IL19: variants seen among roughly 807,000 people sequenced by gnomAD.
IL19 encodes interleukin-19.
IL19 carries 15 observed loss-of-function variants against 19.5 expected under a neutral mutation model. The observed-to-expected ratio is 0.77, with a 90% CI of 0.52 to 1.19. The LOEUF is 1.19. Among genes scored for constraint, IL19 ranks in the 50% most tolerant of loss-of-function variants. The pLI is 0.00. For synonymous variants in IL19, 78 were observed against 78.3 expected (o/e 1.00, Z 0.02); for missense variants, 199 against 213.1 (o/e 0.93, Z 0.41).
At chr1:206,787,959 C>T (rs1188363137) in intron 1 of IL19, among the ~76,000 whole-genome samples, 1 of 152,206 alleles carries the variant, frequency 6.6e-6, no homozygotes, top group Non-Finnish European at 1.5e-5. Context: ...CAGCCACATT[C>T]ATAGCCATGG....
At position 206,836,709 on chromosome 1, in the gene IL19, T is replaced by C. The variant is rs939942811; in HGVS notation, c.47T>C (p.Ile16Thr). 5 of 1,613,300 alleles carry C rather than the reference T, an allele frequency of 3.1e-6. No individual in the cohort carries two copies. The African/African-American group carries it at 6.7e-5, about 22-fold the overall frequency. Residue 16 changes from isoleucine (I) to threonine (T), a missense_variant, in exon 3 of 7, where the codon ATA becomes ACA. Ile to Thr is a moderately conservative substitution (Grantham distance 89). Coordinates refer to ENST00000659997, the MANE Select transcript of IL19 (RefSeq NM_153758.5). ...CTTTGGCTCCTGGGTACAATACTGA[T>C]ATTGTGCTCAGTAGACAACCACGGT... is the stretch of plus-strand genomic sequence containing the variant. ...VSLWLLGTIL[I>T]LCSVDNHGLR... is the part of the protein sequence containing the mutation.
chr1:206,790,527 C>G (rs1675374236), intron 1 of IL19, among the ~76,000 whole-genome samples: 1 of 152,174 alleles, frequency 6.6e-6, no homozygotes, highest in Non-Finnish European at 1.5e-5. Context: ...AACGTTGAGT[C>G]TCAGTATGGT....
At chr1:206,826,618 G>A (rs908703) in intron 2 of IL19, among the ~76,000 whole-genome samples, 1 of 152,050 alleles carries the variant, frequency 6.6e-6, no homozygotes, top group Non-Finnish European at 1.5e-5. Context: ...CTGGGGTGAA[G>A]CCCTCCCCAG....
intron 2 of IL19, among the ~76,000 whole-genome samples, chr1:206,825,047 C>T (rs745518396): frequency 2.0e-5 from 3 of 152,164 alleles, no homozygotes; most frequent in Non-Finnish European, 2.9e-5. Flanking sequence ...TGAGCCACTG[C>T]GCCAGGCCCC....
chr1:206,808,981 A>G (rs1675930888), intron 2 of IL19, among the ~76,000 whole-genome samples: 1 of 152,200 alleles, frequency 6.6e-6, no homozygotes, highest in Admixed American at 6.5e-5. Flanking sequence ...AAGGTTCTGG[A>G]AACAAACTTG....
chr1:206,794,624 G>C (rs1219724889), intron 1 of IL19, among the ~76,000 whole-genome samples: 1 of 152,158 alleles, frequency 6.6e-6, no homozygotes, highest in Non-Finnish European at 1.5e-5. Flanking sequence ...TGGGCTCATT[G>C]CTTCTTTTGA....
At chr1:206,829,307 T>C (rs1676526043) in intron 2 of IL19, among the ~76,000 whole-genome samples, 1 of 152,180 alleles carries the variant, frequency 6.6e-6, no homozygotes, top group South Asian at 2.1e-4. Context: ...ATATGCATCT[T>C]GTATCCAGCG....
chr1:206,786,737 G>C (rs762018606), intron 1 of IL19, among the ~76,000 whole-genome samples: 3 of 152,084 alleles, frequency 2.0e-5, no homozygotes, highest in Non-Finnish European at 2.9e-5. Context: ...GGGATGCTGA[G>C]CTCTTCATAT....
intron 1 of IL19, chr1:206,771,523 G>C (rs1475272667): frequency 1.1e-6 from 1 of 894,624 alleles, no homozygotes; most frequent in Non-Finnish European, 1.8e-6. Flanking sequence ...AATAAAATTG[G>C]CTCTGGCCCA....
At chr1:206,775,449 T>A (rs1040733979) in intron 1 of IL19, among the ~76,000 whole-genome samples, 9 of 152,162 alleles carry the variant, frequency 5.9e-5, no homozygotes, top group African/African-American at 2.2e-4. Context: ...GAAATTACTG[T>A]CCACTCTCAT....
chr1:206,799,377 AG>A (rs1675619199), intron 2 of IL19, among the ~76,000 whole-genome samples: 1 of 152,168 alleles, frequency 6.6e-6, no homozygotes, highest in African/African-American at 2.4e-5. Flanking sequence ...TGCAGCAAAA[AG>A]GGGGAATTTA....
At chr1:206,821,053 G>A (rs542253422) in intron 2 of IL19, among the ~76,000 whole-genome samples, 1 of 152,258 alleles carries the variant, frequency 6.6e-6, no homozygotes, top group East Asian at 1.9e-4. Flanking sequence ...CCTTTTCAAA[G>A]CACTTATACC....
intron 1 of IL19, among the ~76,000 whole-genome samples, chr1:206,773,932 A>G (rs535326792): frequency 7.7e-4 from 117 of 152,306 alleles, no homozygotes; most frequent in African/African-American, 2.7e-3. Context: ...ACAGGGCAAT[A>G]GCACCTGTCC....
chr1:206,778,820 C>T (rs1192917555), intron 1 of IL19, among the ~76,000 whole-genome samples: 1 of 152,228 alleles, frequency 6.6e-6, no homozygotes, highest in African/African-American at 2.4e-5. Flanking sequence ...CCTCCCTCTT[C>T]CTTGCCAATC....
intron 2 of IL19, among the ~76,000 whole-genome samples, chr1:206,828,655 G>A (rs1483916441): frequency 6.6e-6 from 1 of 152,122 alleles, no homozygotes; most frequent in Non-Finnish European, 1.5e-5. Context: ...GTAAAAAAAA[G>A]TATTGACATA....
intron 1 of IL19, among the ~76,000 whole-genome samples, chr1:206,781,220 C>T (rs570676934): frequency 6.6e-6 from 1 of 151,636 alleles, no homozygotes; most frequent in South Asian, 2.1e-4. Context: ...CCGAGATGGG[C>T]GGATCACTAG....
chr1:206,785,194 T>G (rs1303976595), intron 1 of IL19, among the ~76,000 whole-genome samples: 3 of 152,188 alleles, frequency 2.0e-5, no homozygotes, highest in African/African-American at 7.2e-5. Context: ...AGCAGATTCT[T>G]GGATCCTTGA....
chr1:206,774,015 GTTC>G lies in IL19; in HGVS notation c.-149+2941_-149+2943del, dbSNP rs36213837. Among the ~76,000 whole-genome samples the G allele has an allele frequency of 2.4e-3, 368 of 152,342 alleles. 3 individuals are homozygous for G. The highest frequency in any genetic ancestry group is 8.5e-3 in the African/African-American group (352 of 41,582). On this transcript the variant is annotated intron_variant, in intron 1 of 6. Coordinates refer to ENST00000659997, the MANE Select transcript of IL19 (RefSeq NM_153758.5). ...GGAGGGCATTTCCAGTGTTCTGCTAGTTCTTCACCTTTCTGCATCAGCAATGGG... is the reference window on the plus strand; with the variant it reads ...GGAGGGCATTTCCAGTGTTCTGCTAGTTCACCTTTCTGCATCAGCAATGGG...
At chr1:206,792,843 A>G (rs1173840367) in intron 1 of IL19, among the ~76,000 whole-genome samples, 1 of 152,166 alleles carries the variant, frequency 6.6e-6, no homozygotes, top group Non-Finnish European at 1.5e-5. Flanking sequence ...TACACAGCTG[A>G]TAAGTGTCAG....
Sources: gnomAD v4.1 joint callset for allele counts (sites outside exome capture counted in the v4.1 genomes callset) on GRCh38, gnomAD v4.1.1 for gene constraint, MANE v1.5 for transcripts, NCBI Gene and HGNC (gene_info 2026-07-23, HGNC 2026-07-21) for gene names.